ATG16L2: variants seen among roughly 807,000 people sequenced by gnomAD.
The protein encoded by ATG16L2 is protein Atg16l2.
ATG16L2 carries 77 observed loss-of-function variants against 84.7 expected under a neutral mutation model. The observed-to-expected ratio is 0.91, with a 90% CI of 0.76 to 1.10. ATG16L2 has a LOEUF of 1.10. ATG16L2 is among the 50% of genes least tolerant of loss of function. The pLI, the probability that ATG16L2 is intolerant of heterozygous loss-of-function variation, is 0.00. For missense variants in ATG16L2, 782 were observed against 817.6 expected, an observed-to-expected ratio of 0.96 and a Z score of 0.53; for synonymous variants, 361 against 342.8, an observed-to-expected ratio of 1.05 and a Z score of -0.59.
At chr11:72,840,774 G>C in intron 5 of ATG16L2, 1 of 801,384 alleles carries the variant, frequency 1.2e-6, no homozygotes, top group Middle Eastern at 2.3e-4. Flanking sequence ...ATCCTTGTTT[G>C]GCATAGTCAG....
At chr11:72,820,976 G>T (rs1565262413) in intron 3 of ATG16L2, among the ~76,000 whole-genome samples, 1 of 152,184 alleles carries the variant, frequency 6.6e-6, no homozygotes, top group African/African-American at 2.4e-5. Flanking sequence ...TTAGCCTTGT[G>T]TGCCTCTGCG....
chr11:72,825,179 G>C, intron 9 of ATG16L2, 123 bp from the exon 10 acceptor site: 1 of 735,104 alleles, frequency 1.4e-6, no homozygotes, highest in Non-Finnish European at 2.3e-6. Flanking sequence ...CAGAGAAACT[G>C]GGGAGGGAGA....
chr11:72,823,639 C>T, intron 7 of ATG16L2: 1 of 441,604 alleles, frequency 2.3e-6, no homozygotes, highest in Non-Finnish European at 4.6e-6. Flanking sequence ...CTTGGGAGCC[C>T]TTGTGGGCCA....
Position 72,822,107 on chromosome 11 carries a change from G to A in ATG16L2, c.456G>A (p.Gln152=), listed in dbSNP as rs1302899695. Residue 152 remains glutamine, a synonymous_variant, in exon 5 of 18, where the codon CAG becomes CAA. Transcript: ENST00000321297. The surrounding 1 kb of genome is among the most constrained non-coding windows in gnomAD (Gnocchi z 4.2). ...AGGCGCGGGCGCAGCAGGCCCAGCA[G>A]GTGGAGGAGTGGCGGGCGCAGAATG... ...LREARAQQAQ[Q]VEEWRAQNAV... 2.6e-6 allele frequency: 4 copies of A among 1,537,376 alleles called. No homozygotes were observed. Among genetic ancestry groups the A allele is most frequent in the South Asian group, 1.2e-5 (1 of 84,230 alleles).
At chr11:72,832,124 T>C (rs1479990343), downstream of ATG16L2, among the ~76,000 whole-genome samples, 2 of 152,208 alleles carry the variant, frequency 1.3e-5, no homozygotes, top group African/African-American at 2.4e-5. Flanking sequence ...AACTTGAATC[T>C]TGGGAGGCCA....
intron 3 of ATG16L2, 108 bp from the exon 4 acceptor site, chr11:72,821,560 G>A: frequency 6.7e-7 from 1 of 1,486,104 alleles, no homozygotes; most frequent in Non-Finnish European, 8.9e-7. Context: ...TGCTTTTCAG[G>A]AAGGGGGCGG....
intron 5 of ATG16L2, among the ~76,000 whole-genome samples, chr11:72,834,876 T>C (rs1427933164): frequency 4.9e-5 from 6 of 123,012 alleles, no homozygotes; most frequent in Non-Finnish European, 1.7e-5. Context: ...TAAGCCACCG[T>C]GCCCAGCCAT....
intron 5 of ATG16L2, chr11:72,838,018 T>G (rs1860787232): frequency 6.6e-6 from 1 of 152,240 alleles, no homozygotes; most frequent in Non-Finnish European, 1.5e-5. Flanking sequence ...TTATATTGGC[T>G]AATTTCAGAT....
At chr11:72,843,575 T>G (rs146830265) in exon 6 of ATG16L2, 1 of 1,412,666 alleles carries the variant, frequency 7.1e-7, no homozygotes, top group Non-Finnish European at 1.0e-6. Flanking sequence ...AAAGGTTAGA[T>G]AAGGAGCAGA....
Position 72,822,299 on chromosome 11 carries a change from A to C in ATG16L2, c.644+4A>C, listed in dbSNP as rs1352135844. ...TGCGCAACGAGCGCCGGGAGCGGTG[A>C]GGGAGCAGGCCCCGCCCCTCCTGAG... On this transcript the variant is annotated splice_donor_region_variant and intron_variant, in intron 5 of 17. Coordinates refer to ENST00000321297, the MANE Select transcript of ATG16L2 (RefSeq NM_033388.2). The surrounding 1 kb of genome is among the most constrained non-coding windows in gnomAD (Gnocchi z 4.2). 1.3e-5 allele frequency: 19 copies of C among 1,513,444 alleles called. No homozygotes were observed. Among genetic ancestry groups the C allele is most frequent in the Non-Finnish European group, 1.7e-5 (19 of 1,138,988 alleles). The allele number at this position is 1,513,444 out of a possible 1,614,324, so 93.8% of individuals were successfully genotyped here.
Position 72,836,670 on chromosome 11 carries a change from T to G in ATG16L2, c.*22-5947T>G, listed in dbSNP as rs1355511504. On this transcript the variant is annotated intron_variant, in intron 5 of 5. Coordinates refer to the ATG16L2 transcript ENST00000534905. ...GCTGGTTTAAAGGAGGGCCCAGGAA[T>G]GTTTTTATAAGAAGCATGGGCCTTT... 8 of 152,780 alleles carry G rather than the reference T, an allele frequency of 5.2e-5. No homozygotes were observed. The East Asian group carries it at 1.5e-3, about 29-fold the overall frequency. 9.5% of individuals were successfully genotyped at this position (152,780 alleles called of 1,614,324 possible). A position where few individuals can be genotyped will look rare whatever the true frequency, so the allele number is the denominator to read the frequency against.
rs1860370694 is a variant in ATG16L2, at chr11:72,826,592, G to A, written c.1245+3G>A. On this transcript the variant is annotated splice_donor_region_variant and intron_variant, in intron 12 of 17. Transcript: ENST00000321297. ...AGGTGGGGGAGGCACAGTCCAAGGTGAGGCCTGACTGGGGAGGCTGCCTGG... is the reference window on the plus strand; with the variant it reads ...AGGTGGGGGAGGCACAGTCCAAGGTAAGGCCTGACTGGGGAGGCTGCCTGG... The A allele has an allele frequency of 1.9e-6, 3 of 1,614,192 alleles. No individual in the cohort carries two copies. Among genetic ancestry groups the A allele is most frequent in the Non-Finnish European group, 2.5e-6 (3 of 1,180,018 alleles).
chr11:72,829,267 G>A, intron 17 of ATG16L2, 36 bp from the exon 18 acceptor site: 2 of 1,605,888 alleles, frequency 1.2e-6, no homozygotes, highest in Admixed American at 1.7e-5. Context: ...CGCAGTTCCT[G>A]AAGCCCCCCT....
intron 3 of ATG16L2, chr11:72,821,431 C>T (rs1251071549): frequency 2.1e-5 from 28 of 1,341,454 alleles, no homozygotes; most frequent in Admixed American, 6.4e-5. Flanking sequence ...CGCAGAGAAA[C>T]GAAGCGGCAC....
chr11:72,840,901 C>T (rs780653733), intron 5 of ATG16L2: 2 of 1,613,040 alleles, frequency 1.2e-6, no homozygotes, highest in South Asian at 2.2e-5. Flanking sequence ...CATATGAGGT[C>T]TCAGGAGTAT....
exon 6 of ATG16L2, chr11:72,842,865 T>A: frequency 3.8e-6 from 6 of 1,587,836 alleles, no homozygotes; most frequent in African/African-American, 1.3e-5. Flanking sequence ...GAAAAACAAA[T>A]CTGGTAAGAT....
Position 72,822,248 on chromosome 11 carries a change from G to A in ATG16L2, c.597G>A (p.Lys199=), listed in dbSNP as rs944873805. The change falls in exon 5 of 18, where the codon AAG becomes AAA. Residue 199 remains lysine (K), a synonymous_variant. Coordinates refer to ENST00000321297, the MANE Select transcript of ATG16L2 (RefSeq NM_033388.2). This position sits in a 1 kb window ranked among gnomAD's most constrained non-coding sequence, Gnocchi z 4.2. ...RDLLERLVQR[K]ARAAAERNLR... ...TGCTGGAGAGGCTCGTGCAGCGCAA[G>A]GCGCGCGCCGCGGCCGAGCGCAACC... is the stretch of plus-strand genomic sequence containing the variant. The A allele has an allele frequency of 1.6e-5, 24 of 1,498,416 alleles. No individual in the cohort carries two copies. The highest frequency in any genetic ancestry group is 2.9e-5 in the African/African-American group (2 of 69,428). The allele number at this position is 1,498,416 out of a possible 1,614,324, so 92.8% of individuals were successfully genotyped here. A position where few individuals can be genotyped will look rare whatever the true frequency, so the allele number is the denominator to read the frequency against.
At position 72,822,820 on chromosome 11, in the gene ATG16L2, C is replaced by A. The variant is rs1860091656; in HGVS notation, c.711-28C>A. The A allele has an allele frequency of 6.6e-7, 1 of 1,510,266 alleles. No individual in the cohort carries two copies. The highest frequency in any genetic ancestry group is 8.9e-7 in the Non-Finnish European group (1 of 1,118,304). 93.6% of individuals were successfully genotyped at this position (1,510,266 alleles called of 1,614,324 possible). ...GGGAGGGGCTGGCTTGGTCCCTTGG[C>A]CTTTCTGAACTTCATTACCTCTCCT... On this transcript the variant is annotated intron_variant, in intron 6 of 17. Transcript: ENST00000321297. The surrounding 1 kb of genome is among the most constrained non-coding windows in gnomAD (Gnocchi z 4.2).
Position 72,827,263 on chromosome 11 carries a change from A to G in ATG16L2, c.1442A>G (p.Asn481Ser), listed in dbSNP as rs1357933242. 3.1e-6 allele frequency: 5 copies of G among 1,613,634 alleles called. No homozygotes were observed. The highest frequency in any genetic ancestry group is 1.3e-5 in the African/African-American group (1 of 74,894). ...CGDHIIISGH[N>S]DQKIRFWDSR... Reference sequence around the variant, plus strand: ...GACCATATCATCATTAGTGGCCACAATGACCAGAAGATCCGGTTCTGGGAC... The same window carrying G: ...GACCATATCATCATTAGTGGCCACAGTGACCAGAAGATCCGGTTCTGGGAC... The change falls in exon 14 of 18, where the codon AAT becomes AGT. Residue 481 changes from asparagine (N) to serine (S), a missense_variant. By Grantham distance (46) the Asn-to-Ser change is conservative. Coordinates refer to ENST00000321297, the MANE Select transcript of ATG16L2 (RefSeq NM_033388.2).
Sources: allele counts gnomAD v4.1 joint callset (sites outside exome capture counted in the v4.1 genomes callset), GRCh38; gene constraint gnomAD v4.1.1; non-coding constraint Gnocchi (gnomAD v3.1); transcripts MANE v1.5; gene names NCBI Gene and HGNC (gene_info 2026-07-23, HGNC 2026-07-21).